The following C12orf42 variants were observed in gnomAD, a reference collection of about 807,000 sequenced individuals.
The protein encoded by C12orf42 is chromosome 12 open reading frame 42.
In C12orf42, 25 loss-of-function variants were observed where a neutral mutation model predicts 21.6. The observed-to-expected ratio is 1.16, with a 90% CI of 0.84 to 1.62. The LOEUF (loss-of-function observed/expected upper bound fraction) is 1.62. Among genes scored for constraint, C12orf42 ranks in the 40% most tolerant of loss-of-function variants. The pLI is 0.00. For synonymous variants in C12orf42, 174 were observed against 175.0 expected (o/e 0.99, Z 0.05); for missense variants, 483 against 459.3 (o/e 1.05, Z -0.47).
chr12:103,281,959 G>GAAAGAA (rs2036165441), intron 4 of C12orf42, among the ~76,000 whole-genome samples: 1 of 149,584 alleles, frequency 6.7e-6, no homozygotes, highest in South Asian at 2.1e-4. Context: ...AAGAAAGAAA[G>GAAAGAA]AAAGAGATCG....
chr12:103,498,364 A>G (rs1376326412), upstream of C12orf42, among the ~76,000 whole-genome samples: 3 of 152,282 alleles, frequency 2.0e-5, no homozygotes, highest in Non-Finnish European at 2.9e-5. Context: ...GGATGAATGC[A>G]TGAATGAACA....
At chr12:103,278,016 A>G (rs1207236564) in intron 4 of C12orf42, among the ~76,000 whole-genome samples, 1 of 152,222 alleles carries the variant, frequency 6.6e-6, no homozygotes, top group Non-Finnish European at 1.5e-5. Flanking sequence ...GATTTTTAAA[A>G]GTAAATTTCT....
the C12orf42 span, among the ~76,000 whole-genome samples, chr12:103,217,149 A>G: frequency 6.6e-6 from 1 of 151,986 alleles, no homozygotes; most frequent in Non-Finnish European, 1.5e-5. Context: ...GGCTGACAAG[A>G]CCTATTTCTC....
chr12:103,347,309 G>A (rs899829294), intron 4 of C12orf42, among the ~76,000 whole-genome samples: 3 of 151,876 alleles, frequency 2.0e-5, no homozygotes, highest in African/African-American at 7.3e-5. Flanking sequence ...GCGGTGTTTG[G>A]TTTTCTGATC....
At chr12:103,459,437 TG>T (rs1454203864) in intron 2 of C12orf42, among the ~76,000 whole-genome samples, 1 of 151,928 alleles carries the variant, frequency 6.6e-6, no homozygotes, top group Admixed American at 6.6e-5. Flanking sequence ...ACCGGAGACC[TG>T]GTTGTTTTAA....
intron 10 of C12orf42, among the ~76,000 whole-genome samples, chr12:103,242,371 T>A (rs767852221): frequency 6.6e-6 from 1 of 152,190 alleles, no homozygotes; most frequent in Non-Finnish European, 1.5e-5. Context: ...CAATGGAAAC[T>A]ACTGGAATAA....
At chr12:103,141,171 T>C in the C12orf42 span, among the ~76,000 whole-genome samples, 1 of 152,042 alleles carries the variant, frequency 6.6e-6, no homozygotes, top group East Asian at 1.9e-4. Context: ...CAGTGACCTA[T>C]AACATTTGAC....
the C12orf42 span, chr12:103,504,825 G>T: frequency 6.4e-6 from 1 of 155,874 alleles, no homozygotes; most frequent in South Asian, 1.9e-4. Flanking sequence ...ATATGGTCCG[G>T]AACATCAGGA....
At chr12:103,197,440 T>C in the C12orf42 span, among the ~76,000 whole-genome samples, 3 of 152,240 alleles carry the variant, frequency 2.0e-5, no homozygotes, top group Non-Finnish European at 4.4e-5. Context: ...AAAATGACTG[T>C]TTCATCTCTC....
chr12:103,424,528 T>C lies in C12orf42; in HGVS notation c.79-22853A>G, dbSNP rs991006847. Among the ~76,000 whole-genome samples, 19 of 152,034 alleles carry C rather than the reference T, an allele frequency of 1.2e-4. No individual in the cohort carries two copies. In the East Asian group the frequency reaches 1.5e-3, roughly 12 times the overall value. ...GTGGGTGCAGCCCACAGAGGGCGAG[T>C]GGAAGCAGGGCAGGGCAACACCTCA... On this transcript the variant is annotated intron_variant, in intron 2 of 5. Transcript: ENST00000548883.
At chr12:103,373,632 C>T (rs954090724) in intron 3 of C12orf42, among the ~76,000 whole-genome samples, 2 of 152,210 alleles carry the variant, frequency 1.3e-5, no homozygotes, top group Non-Finnish European at 2.9e-5. Flanking sequence ...GGAGTTTCTC[C>T]ATCTCAGTAT....
the C12orf42 span, among the ~76,000 whole-genome samples, chr12:103,071,841 AC>A: frequency 2.6e-5 from 4 of 152,088 alleles, no homozygotes; most frequent in Non-Finnish European, 5.9e-5. Context: ...ACAGACATCA[AC>A]CTGTGGTTTC....
At position 103,466,571 on chromosome 12, in the gene C12orf42, C is replaced by T. The variant is rs570524003; in HGVS notation, c.78+11778G>A. ...GAAACAGATTTCTGTCTCTCCCTGA[C>T]TCTCTCTCTCTCTCCTCTCCATCTT... On this transcript the variant is annotated intron_variant, in intron 2 of 5. Coordinates refer to ENST00000548883, the MANE Select transcript of C12orf42 (RefSeq NM_198521.5). Among the ~76,000 whole-genome samples, 4 of 25,964 alleles carry T rather than the reference C, an allele frequency of 1.5e-4. No individual in the cohort carries two copies. In the South Asian group the frequency reaches 3.3e-3, roughly 21 times the overall value. The allele number at this position is 25,964 out of a possible 152,430, so 17.0% of individuals were successfully genotyped here. A position where few individuals can be genotyped will look rare whatever the true frequency, so the allele number is the denominator to read the frequency against.
chr12:103,150,211 TAG>T, the C12orf42 span, among the ~76,000 whole-genome samples: 1 of 152,210 alleles, frequency 6.6e-6, no homozygotes, highest in Non-Finnish European at 1.5e-5. Flanking sequence ...GAAAATTTAG[TAG>T]AGAGTATTGA....
At chr12:103,346,200 A>G (rs1271222104) in intron 4 of C12orf42, among the ~76,000 whole-genome samples, 1 of 152,186 alleles carries the variant, frequency 6.6e-6, no homozygotes, top group Non-Finnish European at 1.5e-5. Flanking sequence ...ACTTTCCTTA[A>G]TTATATGCCA....
At chr12:103,467,944 A>G (rs1953276633) in intron 2 of C12orf42, among the ~76,000 whole-genome samples, 2 of 152,206 alleles carry the variant, frequency 1.3e-5, no homozygotes, top group South Asian at 4.1e-4. Flanking sequence ...TTAGAAAACA[A>G]CCAAGGAAAG....
chr12:103,176,425 T>C, the C12orf42 span, among the ~76,000 whole-genome samples: 1 of 152,152 alleles, frequency 6.6e-6, no homozygotes, highest in Admixed American at 6.6e-5. Context: ...ACATTTTAGG[T>C]TTCTTGTATA....
chr12:103,144,528 G>T, the C12orf42 span, among the ~76,000 whole-genome samples: 1 of 152,228 alleles, frequency 6.6e-6, no homozygotes, highest in Non-Finnish European at 1.5e-5. Flanking sequence ...TGATGCCGCC[G>T]TGGGCTAGGC....
chr12:103,204,758 C>T, the C12orf42 span, among the ~76,000 whole-genome samples: 1 of 151,780 alleles, frequency 6.6e-6, no homozygotes, highest in African/African-American at 2.4e-5. Context: ...TTTCACAAGA[C>T]AAAAATAATT....
Sources: allele counts gnomAD v4.1 joint callset (sites outside exome capture counted in the v4.1 genomes callset), GRCh38; gene constraint gnomAD v4.1.1; transcripts MANE v1.5; gene names NCBI Gene and HGNC (gene_info 2026-07-23, HGNC 2026-07-21).